CPAMD8: variants seen among roughly 807,000 people sequenced by gnomAD.
The protein encoded by CPAMD8 is C3 and PZP-like alpha-2-macroglobulin domain-containing protein 8.
A neutral mutation model predicts 224.7 loss-of-function variants in CPAMD8; 146 were observed. The ratio of observed to expected loss-of-function variants is 0.65; its 90% CI spans 0.57 to 0.75. The LOEUF (loss-of-function observed/expected upper bound fraction) is 0.75, where lower values mean the gene tolerates loss of function less well. Among genes scored for constraint, CPAMD8 ranks in the 30% least tolerant of loss-of-function variants. CPAMD8 has a pLI of 0.00. For missense variants in CPAMD8, 2,301 were observed against 2,537.5 expected, an observed-to-expected ratio of 0.91 and a Z score of 2.00; for synonymous variants, 966 against 1,044.6, an observed-to-expected ratio of 0.92 and a Z score of 1.45.
At position 16,989,849 on chromosome 19, in the gene CPAMD8, C is replaced by T. The variant is rs2055877955; in HGVS notation, c.1267-78G>A. 9.2e-6 allele frequency: 13 copies of T among 1,411,568 alleles called. No homozygotes were observed. The South Asian group carries it at 1.6e-4, about 17-fold the overall frequency. 87.4% of individuals were successfully genotyped at this position (1,411,568 alleles called of 1,614,324 possible). ...GGTCTTGGGGATGCTTCTGCTTGCT[C>T]TGCCCAGAAGAAACACCCTCTCATG... is the stretch of plus-strand genomic sequence containing the variant. On this transcript the variant is annotated intron_variant, in intron 12 of 41. Transcript: ENST00000443236.
At chr19:16,900,648 G>A (rs987541949) in intron 36 of CPAMD8, among the ~76,000 whole-genome samples, 23 of 151,920 alleles carry the variant, frequency 1.5e-4, no homozygotes, top group Admixed American at 1.5e-3. Flanking sequence ...AGATCCACCT[G>A]TTGGAGCAGC....
At chr19:16,955,542 A>G (rs2054442592) in intron 19 of CPAMD8, among the ~76,000 whole-genome samples, 1 of 152,240 alleles carries the variant, frequency 6.6e-6, no homozygotes, top group Non-Finnish European at 1.5e-5. Flanking sequence ...AAGGAGTCAC[A>G]GAAATGGGTG....
At chr19:16,999,414 A>C (rs1212262492) in intron 10 of CPAMD8, among the ~76,000 whole-genome samples, 7 of 151,900 alleles carry the variant, frequency 4.6e-5, no homozygotes, top group Non-Finnish European at 7.4e-5. Context: ...CCCCGTCTCT[A>C]CTAAAAATAC....
At chr19:16,950,793 G>GAAAAAAAAAAAA (rs757775739) in intron 20 of CPAMD8, among the ~76,000 whole-genome samples, 1 of 45,884 alleles carries the variant, frequency 2.2e-5, no homozygotes, top group Non-Finnish European at 4.3e-5. Context: ...ACCCTGTCTC[G>GAAAAAAAAAAAA]AAAAAAAAAA....
chr19:16,934,236 T>A (rs1269934711), intron 23 of CPAMD8, among the ~76,000 whole-genome samples: 4 of 152,176 alleles, frequency 2.6e-5, no homozygotes, highest in African/African-American at 9.6e-5. Context: ...ATGTTTGTTA[T>A]CTTAGTTGTG....
chr19:17,016,688 A>T (rs562770755), intron 3 of CPAMD8, among the ~76,000 whole-genome samples: 1 of 152,238 alleles, frequency 6.6e-6, no homozygotes, highest in East Asian at 1.9e-4. Context: ...TGAACCCAGG[A>T]GGCAGAGGTT....
chr19:16,926,475 G>A (rs1416167419), intron 25 of CPAMD8, among the ~76,000 whole-genome samples: 2 of 152,032 alleles, frequency 1.3e-5, no homozygotes, highest in African/African-American at 2.4e-5. Context: ...GTGCCACCAC[G>A]CCCAGCTAAT....
rs911801248 is a variant in CPAMD8, at chr19:16,944,976, T to C, written c.2793+573A>G. Among the ~76,000 whole-genome samples the C allele has an allele frequency of 1.7e-4, 26 of 152,308 alleles. 1 individual carries two copies. The highest frequency in any genetic ancestry group is 3.4e-3 in the Middle Eastern group (1 of 294). On this transcript the variant is annotated intron_variant, in intron 22 of 41. Coordinates refer to ENST00000443236, the MANE Select transcript of CPAMD8 (RefSeq NM_015692.5). ...AAGATGAGGCATGGTGGCTGCTGCA[T>C]GCTCAGCCCTGAGACATCTGTGTGT...
At chr19:16,943,565 G>C (rs1234225345) in intron 22 of CPAMD8, among the ~76,000 whole-genome samples, 1 of 152,130 alleles carries the variant, frequency 6.6e-6, no homozygotes, top group East Asian at 1.9e-4. Flanking sequence ...ACCACACCCA[G>C]CCCTTCACTC....
rs1451705690 is a variant in CPAMD8, at chr19:17,011,515, C to T, written c.435G>A (p.Val145=). The T allele has an allele frequency of 1.9e-6, 3 of 1,614,136 alleles. No individual in the cohort carries two copies. The highest frequency in any genetic ancestry group is 4.5e-5 in the East Asian group (2 of 44,880). Residue 145 remains valine (V), a splice_region_variant and synonymous_variant, in exon 5 of 42, where the codon GTG becomes GTA. Transcript: ENST00000443236. ...GAGAGACGGTGAAGATGCTTATGAG[C>T]ACTAGAAGAAAGAAGAGAGGCGTGT... is the stretch of plus-strand genomic sequence containing the variant. The part of the protein sequence containing the change: ...DKPVYRPQHR[V]LISIFTVSPN...
intron 23 of CPAMD8, among the ~76,000 whole-genome samples, chr19:16,934,884 C>T (rs1205542640): frequency 2.6e-5 from 4 of 152,080 alleles, no homozygotes; most frequent in Non-Finnish European, 5.9e-5. Context: ...CAATGTTGTG[C>T]AACCACCACC....
At chr19:16,956,672 A>ATT (rs371939756) in intron 19 of CPAMD8, among the ~76,000 whole-genome samples, 4 of 146,408 alleles carry the variant, frequency 2.7e-5, no homozygotes, top group African/African-American at 7.5e-5. Context: ...TCTATGAAAT[A>ATT]TTTTTTTTTT....
At chr19:16,911,527 A>T (rs1379953819) in intron 29 of CPAMD8, among the ~76,000 whole-genome samples, 1 of 150,644 alleles carries the variant, frequency 6.6e-6, no homozygotes, top group Non-Finnish European at 1.5e-5. Flanking sequence ...ACACAAGCTA[A>T]TTTTTGTATT....
chr19:16,962,819 G>A (rs1257460986), intron 18 of CPAMD8, among the ~76,000 whole-genome samples: 11 of 152,118 alleles, frequency 7.2e-5, no homozygotes, highest in Admixed American at 5.2e-4. Flanking sequence ...ACAAAGGGAA[G>A]CCCATCAGAC....
chr19:16,923,530 A>G (rs781295196), intron 26 of CPAMD8, among the ~76,000 whole-genome samples: 7 of 152,158 alleles, frequency 4.6e-5, no homozygotes, highest in Admixed American at 1.3e-4. Context: ...TCCCAAATTC[A>G]CATCCACTTG....
intron 19 of CPAMD8, among the ~76,000 whole-genome samples, chr19:16,953,742 A>G (rs993599931): frequency 2.0e-5 from 3 of 152,118 alleles, no homozygotes; most frequent in African/African-American, 7.2e-5. Context: ...TGATAAGGAA[A>G]TAATATCCAG....
intron 18 of CPAMD8, among the ~76,000 whole-genome samples, chr19:16,963,823 C>T (rs551600900): frequency 2.6e-5 from 4 of 152,258 alleles, no homozygotes; most frequent in African/African-American, 9.6e-5. Context: ...TGTAAAAGAA[C>T]AGAAATCACA....
intron 23 of CPAMD8, among the ~76,000 whole-genome samples, chr19:16,929,767 G>A (rs960499150): frequency 6.6e-6 from 1 of 152,140 alleles, no homozygotes; most frequent in African/African-American, 2.4e-5. Flanking sequence ...AGATGAGCAA[G>A]GTGTTGAAAA....
At chr19:16,905,583 A>AAG (rs1568458112) in intron 30 of CPAMD8, among the ~76,000 whole-genome samples, 1 of 150,802 alleles carries the variant, frequency 6.6e-6, no homozygotes, top group African/African-American at 2.4e-5. Flanking sequence ...AAAAAAAAAA[A>AAG]AAAGAAAAAG....
Sources: gnomAD v4.1 joint callset for allele counts (sites outside exome capture counted in the v4.1 genomes callset) on GRCh38, gnomAD v4.1.1 for gene constraint, MANE v1.5 for transcripts, NCBI Gene and HGNC (gene_info 2026-07-23, HGNC 2026-07-21) for gene names.